The following MKLN1 variants were observed in gnomAD, a reference collection of about 807,000 sequenced individuals.
MKLN1 encodes the protein muskelin.
A neutral mutation model predicts 99.0 loss-of-function variants in MKLN1; 18 were observed. The observed-to-expected ratio is 0.18, with a 90% confidence interval of 0.13 to 0.27. The LOEUF is 0.27. Among genes scored for constraint, MKLN1 ranks in the 10% least tolerant of loss-of-function variants. The probability of loss-of-function intolerance (pLI) is 1.00; values close to 1 mark genes in which losing one functional copy is unlikely to be tolerated. For missense variants in MKLN1, 621 were observed against 875.9 expected (o/e 0.71, Z 3.67); for synonymous variants, 288 against 293.2 (o/e 0.98, Z 0.18).
chr7:131,235,669 A>G (rs2116483608), intron 3 of MKLN1, among the ~76,000 whole-genome samples: 2 of 152,250 alleles, frequency 1.3e-5, no homozygotes, highest in South Asian at 4.1e-4. Context: ...GAACTTATAT[A>G]TGACTGGGGA....
intron 6 of MKLN1, among the ~76,000 whole-genome samples, chr7:131,400,749 C>CGTA (rs1210174865): frequency 6.6e-6 from 1 of 151,830 alleles, no homozygotes; most frequent in Non-Finnish European, 1.5e-5. Flanking sequence ...TCTTTAGTGA[C>CGTA]GTACTCAGTT....
At chr7:131,448,268 A>G (rs903127869) in intron 12 of MKLN1, among the ~76,000 whole-genome samples, 1 of 152,194 alleles carries the variant, frequency 6.6e-6, no homozygotes, top group Non-Finnish European at 1.5e-5. Context: ...AGTGACAGAG[A>G]ACTAGTAAAA....
chr7:131,323,298 G>A (rs1584601393), upstream of MKLN1: 3 of 152,198 alleles, frequency 2.0e-5, no homozygotes, highest in South Asian at 6.2e-4. Flanking sequence ...GAAAAGGAGG[G>A]TCTGGAGGTG....
At chr7:131,140,414 TG>T (rs1319959779) in intron 1 of MKLN1, among the ~76,000 whole-genome samples, 1 of 152,082 alleles carries the variant, frequency 6.6e-6, no homozygotes, top group African/African-American at 2.4e-5. Flanking sequence ...GCATTGGAGG[TG>T]GGGCCTGGTG....
At chr7:131,291,099 TA>T (rs1798208065) in intron 3 of MKLN1, among the ~76,000 whole-genome samples, 1 of 134,438 alleles carries the variant, frequency 7.4e-6, no homozygotes, top group Non-Finnish European at 1.6e-5. Context: ...TATCTCATTT[TA>T]TTTTATTTAT....
chr7:131,362,576 A>T lies in MKLN1; in HGVS notation c.99-12848A>T, dbSNP rs118051211. Among the ~76,000 whole-genome samples, 446 of 152,214 alleles carry T rather than the reference A, an allele frequency of 2.9e-3. 1 individual carries two copies. The highest frequency in any genetic ancestry group is 6.5e-3 in the Admixed American group (100 of 15,274). On this transcript the variant is annotated intron_variant, in intron 1 of 17. Coordinates refer to ENST00000352689, the MANE Select transcript of MKLN1 (RefSeq NM_013255.5). ...TTTTAGAAAGATTTGCTTGAAGCAC[A>T]GTTTGATGTATCTGTCTAGTTCCAA...
intron 1 of MKLN1, among the ~76,000 whole-genome samples, chr7:131,348,258 T>A (rs1799620377): frequency 6.6e-6 from 1 of 152,250 alleles, no homozygotes; most frequent in Non-Finnish European, 1.5e-5. Flanking sequence ...AGATATGTTC[T>A]AGGTGTTAAT....
At chr7:131,128,725 C>T (rs1474956119) in intron 1 of MKLN1, among the ~76,000 whole-genome samples, 1 of 152,000 alleles carries the variant, frequency 6.6e-6, no homozygotes, top group East Asian at 1.9e-4. Context: ...TCAAGCAATC[C>T]TTCCAGGTAG....
intron 3 of MKLN1, among the ~76,000 whole-genome samples, chr7:131,242,253 T>C (rs994727685): frequency 2.0e-5 from 3 of 152,252 alleles, no homozygotes; most frequent in Admixed American, 6.5e-5. Context: ...AGTTCACAGC[T>C]GGCTAGGTAT....
chr7:131,440,929 G>A (rs1563349536), intron 10 of MKLN1, among the ~76,000 whole-genome samples: 1 of 152,000 alleles, frequency 6.6e-6, no homozygotes, highest in Non-Finnish European at 1.5e-5. Context: ...TCATTTTATA[G>A]CAAGTAGACA....
intron 1 of MKLN1, among the ~76,000 whole-genome samples, chr7:131,120,170 C>CAAAAAAA (rs34545571): frequency 1.3e-5 from 1 of 76,488 alleles, no homozygotes; most frequent in African/African-American, 5.9e-5. Flanking sequence ...GACTCCATCT[C>CAAAAAAA]AAAAAAAAAA....
At chr7:131,122,033 C>G (rs1377500649) in intron 1 of MKLN1, among the ~76,000 whole-genome samples, 1 of 152,208 alleles carries the variant, frequency 6.6e-6, no homozygotes, top group Non-Finnish European at 1.5e-5. Context: ...GCCAAAAGGT[C>G]AAGAAAGATT....
At chr7:131,415,340 C>T (rs1424853299) in intron 8 of MKLN1, among the ~76,000 whole-genome samples, 3 of 152,070 alleles carry the variant, frequency 2.0e-5, no homozygotes, top group Admixed American at 6.5e-5. Flanking sequence ...TAGAATACCA[C>T]TCTTTCCAGG....
intron 7 of MKLN1, among the ~76,000 whole-genome samples, chr7:131,413,225 T>C (rs1794928762): frequency 6.6e-6 from 1 of 152,138 alleles, no homozygotes; most frequent in African/African-American, 2.4e-5. Context: ...GCTTAACTAT[T>C]AGGATAAAGG....
intron 12 of MKLN1, among the ~76,000 whole-genome samples, chr7:131,449,087 C>G (rs1796103077): frequency 6.6e-6 from 1 of 152,168 alleles, no homozygotes; most frequent in South Asian, 2.1e-4. Context: ...CTCATTTAAA[C>G]AGAGTAGGTT....
chr7:131,291,105 A>AT lies in MKLN1; in HGVS notation c.-178-84316dup, dbSNP rs141058925. On this transcript the variant is annotated intron_variant, in intron 3 of 7. Transcript: ENST00000416992. Reference sequence around the variant, plus strand: ...TTTTCCTTTTATCTCATTTTATTTTATTTATTTATTTATTTATTTATTTAT... The same window carrying AT: ...TTTTCCTTTTATCTCATTTTATTTTATTTTATTTATTTATTTATTTATTTAT... 2.4e-3 allele frequency among the ~76,000 whole-genome samples: 162 copies of AT among 68,372 alleles called. 1 individual carries two copies. Among genetic ancestry groups the AT allele is most frequent in the South Asian group, 9.6e-3 (17 of 1,768 alleles). The allele number at this position is 68,372 out of a possible 152,430, so 44.9% of individuals were successfully genotyped here. A position where few individuals can be genotyped will look rare whatever the true frequency, so the allele number is the denominator to read the frequency against.
In MKLN1 at chr7:131,477,356, G is replaced by C. The variant is rs904009427; in HGVS notation, c.2032-1267G>C. Among the ~76,000 whole-genome samples the C allele has an allele frequency of 9.3e-5, 14 of 151,302 alleles. 1 individual carries two copies. Among genetic ancestry groups the C allele is most frequent in the African/African-American group, 2.9e-4 (12 of 41,138 alleles). On this transcript the variant is annotated intron_variant, in intron 16 of 17. Transcript: ENST00000352689. The stretch of plus-strand genomic sequence containing the variant: ...GATACCAGGAGTTTGAGACCAGCCT[G>C]GGCAACATGTGAGACCTCGTCTCTA...
intron 4 of MKLN1, among the ~76,000 whole-genome samples, chr7:131,389,729 CA>C (rs1240834031): frequency 2.0e-5 from 3 of 150,464 alleles, no homozygotes; most frequent in African/African-American, 4.9e-5. Flanking sequence ...ACTAAAAATA[CA>C]AAAAAAAATT....
chr7:131,317,764 G>GGAAAAA (rs1798697642), intron 3 of MKLN1, among the ~76,000 whole-genome samples: 1 of 20,146 alleles, frequency 5.0e-5, no homozygotes, highest in Non-Finnish European at 9.8e-5. Context: ...CAAATGGAAA[G>GGAAAAA]CAAAAAAAAA....
Sources: gnomAD v4.1 joint callset for allele counts (sites outside exome capture counted in the v4.1 genomes callset) on GRCh38, gnomAD v4.1.1 for gene constraint, MANE v1.5 for transcripts, NCBI Gene and HGNC (gene_info 2026-07-23, HGNC 2026-07-21) for gene names.